Variants in PEPD observed in about 807,000 individuals in gnomAD.
PEPD encodes the protein peptidase D, also known as xaa-Pro dipeptidase.
PEPD carries 53 observed loss-of-function variants against 60.7 expected under a neutral mutation model. That is an observed-to-expected ratio of 0.87 (90% CI 0.70 to 1.10). The LOEUF is 1.10. Ranked by LOEUF, PEPD falls within the 50% of genes least tolerant of loss-of-function variation. The pLI, the probability that PEPD is intolerant of heterozygous loss-of-function variation, is 0.00. For synonymous variants in PEPD, 267 were observed against 284.1 expected, an observed-to-expected ratio of 0.94 and a Z score of 0.60; for missense variants, 711 against 711.9, an observed-to-expected ratio of 1.00 and a Z score of 0.01.
intron 4 of PEPD, 120 bp downstream of exon 4, chr19:33,500,818 T>C (rs1165886114): frequency 1.3e-6 from 1 of 765,312 alleles, no homozygotes; most frequent in African/African-American, 1.7e-5. Flanking sequence ...CAGGGACTGG[T>C]GGCCAGGTGG....
intron 12 of PEPD, among the ~76,000 whole-genome samples, chr19:33,396,777 G>C (rs1435724693): frequency 1.3e-5 from 2 of 152,132 alleles, no homozygotes; most frequent in African/African-American, 2.4e-5. Flanking sequence ...TCTGGGGCTT[G>C]CAGGCGGAGG....
At chr19:33,472,161 C>CAA (rs35352427) in intron 7 of PEPD, among the ~76,000 whole-genome samples, 3 of 126,752 alleles carry the variant, frequency 2.4e-5, no homozygotes, top group African/African-American at 5.7e-5. Context: ...AACTCCATCT[C>CAA]AAAAAAAAAA....
At position 33,391,270 on chromosome 19, in the gene PEPD, C is replaced by G. The variant is rs537014461; in HGVS notation, c.1152+25G>C. On this transcript the variant is annotated intron_variant, in intron 13 of 14. Coordinates refer to ENST00000244137, the MANE Select transcript of PEPD (RefSeq NM_000285.4). ...TCAGCGGCAGCTGATGGGCAGGCCA[C>G]TCCGCCTGCCATGTCCACACTGACC... The G allele has an allele frequency of 1.9e-4, 303 of 1,586,922 alleles. No homozygotes were observed. The African/African-American group carries it at 3.5e-3, about 18-fold the overall frequency.
chr19:33,501,997 G>A (rs1217018566), intron 3 of PEPD, among the ~76,000 whole-genome samples: 3 of 152,144 alleles, frequency 2.0e-5, no homozygotes, highest in East Asian at 1.9e-4. Context: ...GGCAGCCCTC[G>A]TCCACCTCCT....
chr19:33,461,694 G>A (rs1026600047), intron 9 of PEPD, among the ~76,000 whole-genome samples: 2 of 152,226 alleles, frequency 1.3e-5, no homozygotes, highest in African/African-American at 4.8e-5. Flanking sequence ...CCTCGCTGGA[G>A]GAGCCCCACA....
chr19:33,454,129 G>C (rs946486101), intron 9 of PEPD, among the ~76,000 whole-genome samples: 1 of 152,150 alleles, frequency 6.6e-6, no homozygotes, highest in South Asian at 2.1e-4. Context: ...AGATGAGCCC[G>C]GTGCAACCCG....
chr19:33,422,418 A>T (rs900285949), intron 9 of PEPD, among the ~76,000 whole-genome samples: 6 of 130,374 alleles, frequency 4.6e-5, no homozygotes, highest in Non-Finnish European at 8.4e-5. Flanking sequence ...CTCTAGATCT[A>T]CCTACCTATC....
chr19:33,521,772 A>C lies in PEPD; in HGVS notation c.-12T>G, dbSNP rs1252617081. On this transcript the variant is annotated 5_prime_UTR_variant, in exon 1 of 15. Coordinates refer to ENST00000244137, the MANE Select transcript of PEPD (RefSeq NM_000285.4). ...GTGGCCGCCGCCATGTTCGCCCGGCACCGGCGTCACGTGAAGTGCGGCGTC... is the reference window on the plus strand; with the variant it reads ...GTGGCCGCCGCCATGTTCGCCCGGCCCCGGCGTCACGTGAAGTGCGGCGTC... The C allele has an allele frequency of 6.4e-7, 1 of 1,562,400 alleles. No individual in the cohort carries two copies. Among genetic ancestry groups the C allele is most frequent in the Admixed American group, 1.8e-5 (1 of 56,254 alleles).
chr19:33,435,698 G>C (rs893522648), intron 9 of PEPD, among the ~76,000 whole-genome samples: 3 of 152,262 alleles, frequency 2.0e-5, no homozygotes, highest in African/African-American at 7.2e-5. Context: ...GTGAGAATCT[G>C]CTGATGCTCG....
chr19:33,508,791 G>A (rs1970863532), intron 3 of PEPD, among the ~76,000 whole-genome samples: 1 of 152,242 alleles, frequency 6.6e-6, no homozygotes, highest in African/African-American at 2.4e-5. Flanking sequence ...AGGCAGAAGG[G>A]AAATAGATGT....
intron 3 of PEPD, among the ~76,000 whole-genome samples, chr19:33,510,613 C>A (rs1028132574): frequency 6.6e-6 from 1 of 152,186 alleles, no homozygotes; most frequent in South Asian, 2.1e-4. Flanking sequence ...GTGGGGCGGC[C>A]ATGTTGCCAG....
At chr19:33,513,792 A>C (rs1970972025) in intron 1 of PEPD, among the ~76,000 whole-genome samples, 1 of 150,402 alleles carries the variant, frequency 6.6e-6, no homozygotes, top group Non-Finnish European at 1.5e-5. Context: ...TCTTCCCTAA[A>C]CCCCCAGAAC....
chr19:33,447,109 GC>G (rs1250560674), intron 9 of PEPD, among the ~76,000 whole-genome samples: 1 of 152,202 alleles, frequency 6.6e-6, no homozygotes, highest in Non-Finnish European at 1.5e-5. Flanking sequence ...CCACCGTGCT[GC>G]TTCTGAAGGT....
intron 11 of PEPD, among the ~76,000 whole-genome samples, chr19:33,411,259 G>C (rs1645081792): frequency 6.6e-6 from 1 of 152,168 alleles, no homozygotes; most frequent in Non-Finnish European, 1.5e-5. Context: ...GAGCGTGGGA[G>C]GCTCCCTGCG....
At chr19:33,442,549 A>T (rs1969501895) in intron 9 of PEPD, among the ~76,000 whole-genome samples, 1 of 149,352 alleles carries the variant, frequency 6.7e-6, no homozygotes, top group Admixed American at 6.7e-5. Flanking sequence ...AAATAAAATA[A>T]AAAAAAAAAA....
At chr19:33,488,305 TCTC>T (rs1263652648) in intron 6 of PEPD, among the ~76,000 whole-genome samples, 1 of 151,930 alleles carries the variant, frequency 6.6e-6, no homozygotes, top group Non-Finnish European at 1.5e-5. Flanking sequence ...GTGAGCATGA[TCTC>T]CTCCAGTGCC....
At chr19:33,419,580 C>T (rs1968967764) in intron 9 of PEPD, among the ~76,000 whole-genome samples, 2 of 152,174 alleles carry the variant, frequency 1.3e-5, no homozygotes, top group African/African-American at 4.8e-5. Flanking sequence ...TGGTTTTGAC[C>T]CGGATGCCTC....
At chr19:33,497,028 G>A (rs1035412809) in intron 4 of PEPD, among the ~76,000 whole-genome samples, 2 of 152,242 alleles carry the variant, frequency 1.3e-5, no homozygotes, top group Admixed American at 6.5e-5. Context: ...ACCTTCTTTC[G>A]TGGCATTCTC....
At position 33,410,577 on chromosome 19, in the gene PEPD, G is replaced by A. The variant is rs73586214; in HGVS notation, c.818+1095C>T. Reference sequence around the variant, plus strand: ...GTGAGCAGCCATCATGGGAACTCCCGCTGGAGGAGCTGGCACATTGGGGTG... The same window carrying A: ...GTGAGCAGCCATCATGGGAACTCCCACTGGAGGAGCTGGCACATTGGGGTG... On this transcript the variant is annotated intron_variant, in intron 11 of 14. Coordinates refer to ENST00000244137, the MANE Select transcript of PEPD (RefSeq NM_000285.4). 2.8e-3 allele frequency among the ~76,000 whole-genome samples: 426 copies of A among 152,338 alleles called. 1 individual carries two copies. The highest frequency in any genetic ancestry group is 9.5e-3 in the African/African-American group (393 of 41,572).
Sources: allele counts gnomAD v4.1 joint callset (sites outside exome capture counted in the v4.1 genomes callset), GRCh38; gene constraint gnomAD v4.1.1; transcripts MANE v1.5; gene names NCBI Gene and HGNC (gene_info 2026-07-23, HGNC 2026-07-21).